The following SORCS2 variants were observed in gnomAD, a reference collection of about 807,000 sequenced individuals.
The protein encoded by SORCS2 is VPS10 domain-containing receptor SorCS2.
In SORCS2, 100 loss-of-function variants were observed where a neutral mutation model predicts 141.6. That is an observed-to-expected ratio of 0.71 (90% CI 0.60 to 0.83). The LOEUF (loss-of-function observed/expected upper bound fraction) is 0.83. SORCS2 is among the 40% of genes least tolerant of loss of function. The probability of loss-of-function intolerance (pLI) is 0.00; values close to 1 mark genes in which losing one functional copy is unlikely to be tolerated. For synonymous variants in SORCS2, 789 were observed against 676.9 expected, an observed-to-expected ratio of 1.17 and a Z score of -2.57; for missense variants, 1,646 against 1,560.2, an observed-to-expected ratio of 1.05 and a Z score of -0.93.
At chr4:7,333,178 A>G (rs1394955845) in intron 1 of SORCS2, among the ~76,000 whole-genome samples, 2 of 152,182 alleles carry the variant, frequency 1.3e-5, no homozygotes, top group African/African-American at 4.8e-5. Flanking sequence ...CCACTAGGGC[A>G]TCCCATTTCT....
chr4:7,265,430 G>A lies in SORCS2; in HGVS notation c.480+72304G>A, dbSNP rs1327332058. Among the ~76,000 whole-genome samples, 12 of 152,324 alleles carry A rather than the reference G, an allele frequency of 7.9e-5. No homozygotes were observed. In the East Asian group the frequency reaches 2.1e-3, roughly 27 times the overall value. ...CGCTTGAACCTGGGAGGCAGAGGGT[G>A]CAGTGAGCCGAGATTGCACCACTGC... is the stretch of plus-strand genomic sequence containing the variant. On this transcript the variant is annotated intron_variant, in intron 1 of 26. Coordinates refer to ENST00000507866, the MANE Select transcript of SORCS2 (RefSeq NM_020777.3).
In SORCS2 at chr4:7,740,311, C is replaced by T. The variant is rs960195946; in HGVS notation, c.*47C>T. 6.4e-7 allele frequency: 1 copy of T among 1,566,354 alleles called. No homozygotes were observed. The highest frequency in any genetic ancestry group is 1.7e-4 in the Middle Eastern group (1 of 5,988). On this transcript the variant is annotated 3_prime_UTR_variant, in exon 27 of 27. Transcript: ENST00000507866. Reference sequence around the variant, plus strand: ...TTCACCCACGGAGGGCACAGAACCACCAGCAAAGCCGGCGGCTGGACTGGC... The same window carrying T: ...TTCACCCACGGAGGGCACAGAACCATCAGCAAAGCCGGCGGCTGGACTGGC...
At chr4:7,388,513 T>G (rs1212572803) in intron 1 of SORCS2, among the ~76,000 whole-genome samples, 1 of 152,194 alleles carries the variant, frequency 6.6e-6, no homozygotes, top group South Asian at 2.1e-4. Flanking sequence ...AAAGGGTCTC[T>G]AGTTGAAATC....
At chr4:7,576,868 G>A (rs984666188) in intron 3 of SORCS2, among the ~76,000 whole-genome samples, 5 of 152,296 alleles carry the variant, frequency 3.3e-5, no homozygotes, top group East Asian at 1.9e-4. Flanking sequence ...CCCACCCAGC[G>A]GACCACAGCA....
intron 3 of SORCS2, among the ~76,000 whole-genome samples, chr4:7,592,272 C>T (rs1034792801): frequency 3.9e-5 from 6 of 152,084 alleles, no homozygotes; most frequent in African/African-American, 1.4e-4. Flanking sequence ...TTTAACAAAT[C>T]CAGGCTGGAT....
chr4:7,330,655 GC>G (rs1189539940), intron 1 of SORCS2, among the ~76,000 whole-genome samples: 7 of 151,972 alleles, frequency 4.6e-5, no homozygotes, highest in Non-Finnish European at 8.8e-5. Flanking sequence ...GAAAGTCAAT[GC>G]CCGCTGTGCT....
intron 2 of SORCS2, among the ~76,000 whole-genome samples, chr4:7,420,686 C>G (rs1054462270): frequency 6.6e-6 from 1 of 152,120 alleles, no homozygotes; most frequent in Non-Finnish European, 1.5e-5. Flanking sequence ...AGCCCCGTGC[C>G]CCATCTAGCA....
At chr4:7,512,619 G>A (rs114736423) in intron 2 of SORCS2, among the ~76,000 whole-genome samples, 1,586 of 152,044 alleles carry the variant, frequency 0.01, 10 homozygotes, top group Non-Finnish European at 0.018. Context: ...CTTCCCTCTG[G>A]CTTTCAACAG....
chr4:7,386,177 GCA>G (rs1432896370), intron 1 of SORCS2, among the ~76,000 whole-genome samples: 22 of 133,654 alleles, frequency 1.6e-4, no homozygotes, highest in African/African-American at 6.2e-4. Flanking sequence ...ACATGCGCAC[GCA>G]CACACATGCA....
At chr4:7,688,820 G>T (rs1045015633) in intron 10 of SORCS2, among the ~76,000 whole-genome samples, 3 of 152,208 alleles carry the variant, frequency 2.0e-5, no homozygotes, top group Admixed American at 6.5e-5. Context: ...CGGCCAGCCA[G>T]ACCTCTGGGA....
At chr4:7,301,841 C>T (rs528727835) in intron 1 of SORCS2, among the ~76,000 whole-genome samples, 9 of 152,358 alleles carry the variant, frequency 5.9e-5, no homozygotes, top group African/African-American at 1.7e-4. Context: ...ACGGGGTTAA[C>T]ACTAAGGTTC....
At chr4:7,528,077 C>T (rs1329629421) in intron 2 of SORCS2, among the ~76,000 whole-genome samples, 2 of 150,042 alleles carry the variant, frequency 1.3e-5, no homozygotes, top group African/African-American at 4.9e-5. Context: ...CCAACACCAG[C>T]CAGCCTGTCA....
At chr4:7,484,639 C>T (rs1345653598) in intron 2 of SORCS2, among the ~76,000 whole-genome samples, 1 of 152,202 alleles carries the variant, frequency 6.6e-6, no homozygotes, top group African/African-American at 2.4e-5. Context: ...TCCTTTCTAA[C>T]CTCCTCCGTT....
intron 3 of SORCS2, among the ~76,000 whole-genome samples, chr4:7,620,179 G>A (rs188101960): frequency 3.9e-4 from 60 of 152,208 alleles, no homozygotes; most frequent in African/African-American, 1.4e-3. Context: ...AATGATACGG[G>A]ATTCTTACAG....
chr4:7,285,923 C>T (rs1039606434), intron 1 of SORCS2, among the ~76,000 whole-genome samples: 4 of 152,120 alleles, frequency 2.6e-5, no homozygotes, highest in South Asian at 2.1e-4. Context: ...GGCGTGAGGC[C>T]GACAGCCTGG....
chr4:7,237,635 C>G (rs145166931), intron 1 of SORCS2, among the ~76,000 whole-genome samples: 1 of 152,042 alleles, frequency 6.6e-6, no homozygotes, highest in Non-Finnish European at 1.5e-5. Flanking sequence ...GGAAAGCAGA[C>G]GGGATTCTAT....
chr4:7,222,907 A>C (rs897490742), intron 1 of SORCS2, among the ~76,000 whole-genome samples: 4 of 152,058 alleles, frequency 2.6e-5, no homozygotes, highest in East Asian at 1.9e-4. Flanking sequence ...CCTCCACTCC[A>C]CCTTGACTCA....
At chr4:7,326,313 T>G (rs576539211) in intron 1 of SORCS2, among the ~76,000 whole-genome samples, 1 of 152,076 alleles carries the variant, frequency 6.6e-6, no homozygotes, top group Admixed American at 6.5e-5. Context: ...CAGGTCATAG[T>G]GTGACCCTGG....
At chr4:7,339,093 C>T (rs1055952081) in intron 1 of SORCS2, among the ~76,000 whole-genome samples, 41 of 152,216 alleles carry the variant, frequency 2.7e-4, no homozygotes, top group Admixed American at 2.6e-4. Flanking sequence ...CCTGCCATTT[C>T]GCCGTGGCCT....
Sources: allele counts gnomAD v4.1 joint callset (sites outside exome capture counted in the v4.1 genomes callset), GRCh38; gene constraint gnomAD v4.1.1; transcripts MANE v1.5; gene names NCBI Gene and HGNC (gene_info 2026-07-23, HGNC 2026-07-21).